Variants in PRPF3 observed in about 807,000 individuals in gnomAD.
The protein encoded by PRPF3 is U4/U6 small nuclear ribonucleoprotein Prp3.
In PRPF3, 3 loss-of-function variants were observed where a neutral mutation model predicts 89.2. The observed-to-expected ratio is 0.03, with a 90% CI of 0.02 to 0.09. The LOEUF is 0.09. Among genes scored for constraint, PRPF3 ranks in the 10% least tolerant of loss-of-function variants. The pLI is 1.00. For missense variants in PRPF3, 463 were observed against 828.8 expected, an observed-to-expected ratio of 0.56 and a Z score of 5.42; for synonymous variants, 270 against 289.1, an observed-to-expected ratio of 0.93 and a Z score of 0.67.
chr1:150,340,816 G>GA (rs797039049), intron 9 of PRPF3, among the ~76,000 whole-genome samples: 2 of 151,692 alleles, frequency 1.3e-5, no homozygotes, highest in African/African-American at 2.4e-5. Flanking sequence ...CCATCTCAAG[G>GA]AAAAAAAATT....
chr1:150,333,687 G>A (rs1334410665), intron 6 of PRPF3, among the ~76,000 whole-genome samples: 1 of 152,148 alleles, frequency 6.6e-6, no homozygotes, highest in Non-Finnish European at 1.5e-5. Context: ...CCCTGTTGGA[G>A]GGTTTATTAT....
At chr1:150,340,596 ATTCT>A (rs1422339863) in intron 9 of PRPF3, 119 bp downstream of exon 9, 2 of 799,020 alleles carry the variant, frequency 2.5e-6, no homozygotes, top group Admixed American at 2.2e-5. Flanking sequence ...CCCATGTGTA[ATTCT>A]TTTTTTTAAT....
At chr1:150,329,446 G>A (rs1373749606) in intron 4 of PRPF3, among the ~76,000 whole-genome samples, 1 of 152,174 alleles carries the variant, frequency 6.6e-6, no homozygotes, top group African/African-American at 2.4e-5. Flanking sequence ...AGTGTGTTAT[G>A]TACATTATTT....
chr1:150,348,479 TGAGATGGAGTCTTTGCTC>T (rs1658548772), intron 14 of PRPF3, among the ~76,000 whole-genome samples: 4 of 139,272 alleles, frequency 2.9e-5, no homozygotes, highest in Non-Finnish European at 1.5e-5. Context: ...TTTTTTTTTT[TGAGATGGAGTCTTTGCTC>T]TTTTGCCCAG....
intron 1 of PRPF3, among the ~76,000 whole-genome samples, chr1:150,323,796 A>ATTT (rs1655380790): frequency 1.0e-4 from 1 of 9,836 alleles, no homozygotes; most frequent in African/African-American, 3.6e-4. Context: ...TTTTTTTTTG[A>ATTT]GACGGAGTCT....
chr1:150,334,302 T>C (rs1656738407), intron 6 of PRPF3, among the ~76,000 whole-genome samples: 1 of 151,968 alleles, frequency 6.6e-6, no homozygotes, highest in Non-Finnish European at 1.5e-5. Flanking sequence ...TGAGACCATG[T>C]CTCAAAAAAA....
chr1:150,346,197 C>A, intron 13 of PRPF3, 61 bp downstream of exon 13: 1 of 1,443,082 alleles, frequency 6.9e-7, no homozygotes, highest in Non-Finnish European at 9.8e-7. Context: ...GAGTGATTAG[C>A]ATTGTGGGGA....
chr1:150,322,288 C>T (rs1655136029), intron 1 of PRPF3, among the ~76,000 whole-genome samples: 1 of 152,170 alleles, frequency 6.6e-6, no homozygotes, highest in African/African-American at 2.4e-5. Context: ...GCACCTAGTA[C>T]ATTGCTTGAC....
intron 1 of PRPF3, among the ~76,000 whole-genome samples, chr1:150,324,560 T>TTC (rs1463319991): frequency 7.2e-4 from 7 of 9,742 alleles, no homozygotes; most frequent in African/African-American, 8.3e-4. Flanking sequence ...TTAGTCTTTT[T>TTC]TTTTTTTGTA....
rs1413680618 is a variant in PRPF3 at position 150,344,538 on chromosome 1, C to T, written c.1631C>T (p.Ser544Phe). Residue 544 changes from serine to phenylalanine, a missense_variant, in exon 12 of 16, where the codon TCT becomes TTT. Coordinates refer to ENST00000324862, the MANE Select transcript of PRPF3 (RefSeq NM_004698.4). ...GACATTTCACAGGGGGTACACATAT[C>T]TGTATATAGGTAGGTGTCCATACTG... The part of the protein sequence containing the change: ...KEDISQGVHI[S>F]VYRVRNLSNP... 2 of 1,613,892 alleles carry T rather than the reference C, an allele frequency of 1.2e-6. No homozygotes were observed. The highest frequency in any genetic ancestry group is 1.7e-6 in the Non-Finnish European group (2 of 1,179,956).
upstream of PRPF3, chr1:150,321,501 T>C (rs1333263212): frequency 6.6e-6 from 1 of 152,636 alleles, no homozygotes; most frequent in Non-Finnish European, 1.5e-5. Flanking sequence ...GCGGCGGCGG[T>C]GGCGGTAGCG....
chr1:150,349,950 C>T (rs889539400), intron 15 of PRPF3, among the ~76,000 whole-genome samples: 3 of 151,990 alleles, frequency 2.0e-5, no homozygotes, highest in Non-Finnish European at 2.9e-5. Flanking sequence ...GGCTGGAGTG[C>T]GATGGCGTGA....
At chr1:150,341,799 G>A (rs1657767651) in intron 9 of PRPF3, among the ~76,000 whole-genome samples, 1 of 150,778 alleles carries the variant, frequency 6.6e-6, no homozygotes, top group Admixed American at 6.6e-5. Context: ...ACCCCCCTGG[G>A]TTGAAGCTAT....
rs1657965717 is a variant in PRPF3, at chr1:150,343,251, AT to A, written c.1283-57del. On this transcript the variant is annotated intron_variant, in intron 9 of 15. Coordinates refer to ENST00000324862, the MANE Select transcript of PRPF3 (RefSeq NM_004698.4). The stretch of plus-strand genomic sequence containing the variant: ...AGTGAGAGAGAGAAAAAAAAAAAAT[AT>A]ATATATATATATATGTATTCTTACT... The A allele has an allele frequency of 3.3e-4, 197 of 595,040 alleles. No individual in the cohort carries two copies. In the African/African-American group the frequency reaches 0.01, roughly 30 times the overall value. 36.9% of individuals were successfully genotyped at this position (595,040 alleles called of 1,614,324 possible).
At chr1:150,349,276 T>C (rs1553873810) in intron 15 of PRPF3, 58 bp downstream of exon 15, 1 of 1,217,448 alleles carries the variant, frequency 8.2e-7, no homozygotes, top group African/African-American at 1.5e-5. Context: ...ATATTTATAC[T>C]ATTTGAGTGG....
intron 9 of PRPF3, among the ~76,000 whole-genome samples, chr1:150,341,469 G>T (rs1657720108): frequency 7.5e-6 from 1 of 133,352 alleles, no homozygotes; most frequent in Non-Finnish European, 1.5e-5. Context: ...GCAACGGCAT[G>T]ATCTCAGCTC....
Position 150,344,528 on chromosome 1 carries a change from G to A in PRPF3, c.1621G>A (p.Val541Ile), listed in dbSNP as rs1157514116. 1 of 1,614,020 alleles carries A rather than the reference G, an allele frequency of 6.2e-7. No homozygotes were observed. Among genetic ancestry groups the A allele is most frequent in the Non-Finnish European group, 8.5e-7 (1 of 1,179,978 alleles). The change falls in exon 12 of 16, where the codon GTA becomes ATA. Residue 541 changes from valine (V) to isoleucine (I), a missense_variant. Around this residue, in one of 8 missense-constraint regions of PRPF3, gnomAD observed 261 missense variants for 475.8 expected, o/e 0.55. Coordinates refer to ENST00000324862, the MANE Select transcript of PRPF3 (RefSeq NM_004698.4). Reference protein sequence around the residue: ...KKLKEDISQGVHISVYRVRNL... With the variant: ...KKLKEDISQGIHISVYRVRNL... ...GCTTAAAGAAGACATTTCACAGGGG[G>A]TACACATATCTGTATATAGGTAGGT... is the stretch of plus-strand genomic sequence containing the variant.
In PRPF3 at chr1:150,338,498, ATTTTTT is replaced by A. The variant is rs1266003723; in HGVS notation, c.1202+187_1202+192del. On this transcript the variant is annotated intron_variant, in intron 8 of 15. Coordinates refer to ENST00000324862, the MANE Select transcript of PRPF3 (RefSeq NM_004698.4). ...AAGTAACTGTACACAAGGTCCTGTT[ATTTTTT>A]TTTTTTTTTTTTTTGAGAGGGAGTC... is the stretch of plus-strand genomic sequence containing the variant. Among the ~76,000 whole-genome samples, 7 of 141,090 alleles carry A rather than the reference ATTTTTT, an allele frequency of 5.0e-5. No homozygotes were observed. In the East Asian group the frequency reaches 6.1e-4, roughly 12 times the overall value. 92.6% of individuals were successfully genotyped at this position (141,090 alleles called of 152,430 possible).
intron 8 of PRPF3, 79 bp downstream of exon 8, chr1:150,338,405 A>G (rs1657280651): frequency 1.4e-6 from 2 of 1,414,618 alleles, no homozygotes; most frequent in Non-Finnish European, 9.9e-7. Context: ...ACCTTTTAGT[A>G]AAGCTATGGT....
Sources: allele counts gnomAD v4.1 joint callset (sites outside exome capture counted in the v4.1 genomes callset), GRCh38; gene constraint gnomAD v4.1.1; regional missense constraint gnomAD v4.1.1; transcripts MANE v1.5; gene names NCBI Gene and HGNC (gene_info 2026-07-23, HGNC 2026-07-21).